The following CTNNA2 variants were observed in gnomAD, a reference collection of about 807,000 sequenced individuals.
CTNNA2 encodes catenin alpha-2.
CTNNA2 carries 42 observed loss-of-function variants against 101.0 expected under a neutral mutation model. That is an observed-to-expected ratio of 0.42 (90% CI 0.32 to 0.54). The LOEUF is 0.54. Among genes scored for constraint, CTNNA2 ranks in the 20% least tolerant of loss-of-function variants. The pLI is 0.14. For synonymous variants in CTNNA2, 450 were observed against 456.4 expected, an observed-to-expected ratio of 0.99 and a Z score of 0.18; for missense variants, 871 against 1,223.1, an observed-to-expected ratio of 0.71 and a Z score of 4.29.
chr2:80,516,094 C>T (rs1689087257), intron 9 of CTNNA2, among the ~76,000 whole-genome samples: 1 of 152,170 alleles, frequency 6.6e-6, no homozygotes, highest in Non-Finnish European at 1.5e-5. Flanking sequence ...CAGAACATAT[C>T]TCCCTGAGGC....
chr2:79,569,681 A>G (rs1675341552), intron 1 of CTNNA2, among the ~76,000 whole-genome samples: 1 of 152,192 alleles, frequency 6.6e-6, no homozygotes, highest in Non-Finnish European at 1.5e-5. Flanking sequence ...TTTGCACTGG[A>G]AACTCTATTT....
chr2:80,232,498 G>A (rs533989680), intron 7 of CTNNA2, among the ~76,000 whole-genome samples: 1 of 151,546 alleles, frequency 6.6e-6, no homozygotes, highest in South Asian at 2.1e-4. Context: ...GTGAGTGGCT[G>A]ACTTAGAGGT....
intron 12 of CTNNA2, among the ~76,000 whole-genome samples, chr2:80,569,783 C>T (rs1323713788): frequency 6.6e-6 from 1 of 150,924 alleles, no homozygotes; most frequent in Non-Finnish European, 1.5e-5. Context: ...GCTGGGACTA[C>T]AGGCACCCGC....
At chr2:80,128,837 A>G (rs887402453) in intron 7 of CTNNA2, among the ~76,000 whole-genome samples, 2 of 152,126 alleles carry the variant, frequency 1.3e-5, no homozygotes, top group African/African-American at 2.4e-5. Context: ...TCACCAGGCC[A>G]TTTTCAAGTG....
chr2:80,230,688 G>T, intron 7 of CTNNA2, among the ~76,000 whole-genome samples: 1 of 152,138 alleles, frequency 6.6e-6, no homozygotes, highest in East Asian at 1.9e-4. Context: ...GTGGCCACAA[G>T]GCTTGGAACC....
At chr2:80,239,534 A>AT (rs1709731749) in intron 7 of CTNNA2, among the ~76,000 whole-genome samples, 1 of 152,052 alleles carries the variant, frequency 6.6e-6, no homozygotes, top group Admixed American at 6.6e-5. Flanking sequence ...TCTATACACT[A>AT]TTTTTTTCTA....
intron 11 of CTNNA2, among the ~76,000 whole-genome samples, chr2:80,546,343 T>C (rs2149633397): frequency 6.6e-6 from 1 of 152,346 alleles, no homozygotes; most frequent in African/African-American, 2.4e-5. Flanking sequence ...AGGATGGCCT[T>C]TGATGTATCT....
intron 4 of CTNNA2, among the ~76,000 whole-genome samples, chr2:79,386,560 TAA>T (rs755757599): frequency 6.6e-6 from 1 of 152,212 alleles, no homozygotes; most frequent in Non-Finnish European, 1.5e-5. Flanking sequence ...TAATTTGAAA[TAA>T]AGAGTCCTTC....
chr2:79,334,917 T>A (rs1676960378), intron 3 of CTNNA2, among the ~76,000 whole-genome samples: 1 of 152,166 alleles, frequency 6.6e-6, no homozygotes, highest in Admixed American at 6.5e-5. Context: ...CTCTCTAGAC[T>A]TTGCCTGTTG....
intron 15 of CTNNA2, among the ~76,000 whole-genome samples, chr2:80,589,905 T>TGTGTGTGTGC (rs1491383706): frequency 1.6e-3 from 179 of 114,536 alleles, no homozygotes; most frequent in African/African-American, 5.1e-3. Flanking sequence ...TGTGTGTGTG[T>TGTGTGTGTGC]GCGCGCGCGC....
At chr2:80,395,456 T>G (rs1173734652) in intron 8 of CTNNA2, among the ~76,000 whole-genome samples, 3 of 152,208 alleles carry the variant, frequency 2.0e-5, no homozygotes, top group Non-Finnish European at 4.4e-5. Context: ...CCTGCCCATA[T>G]GTTGAGATAT....
intron 7 of CTNNA2, among the ~76,000 whole-genome samples, chr2:80,023,804 T>C (rs975592810): frequency 7.9e-5 from 12 of 152,156 alleles, no homozygotes; most frequent in African/African-American, 2.7e-4. Context: ...CTATTAAGGT[T>C]TGGCCGGACG....
chr2:80,327,258 T>C (rs1393208343), intron 7 of CTNNA2, among the ~76,000 whole-genome samples: 1 of 152,238 alleles, frequency 6.6e-6, no homozygotes, highest in Non-Finnish European at 1.5e-5. Flanking sequence ...TAAGGCTTCC[T>C]ACAGATTTGC....
At chr2:79,874,424 T>G in intron 6 of CTNNA2, 82 bp downstream of exon 6, 15 of 1,417,884 alleles carry the variant, frequency 1.1e-5, no homozygotes, top group Non-Finnish European at 1.4e-5. Flanking sequence ...GAAGGGCCAC[T>G]ACAATAATTT....
At chr2:80,233,923 A>G (rs376794) in intron 7 of CTNNA2, among the ~76,000 whole-genome samples, 100,170 of 152,084 alleles carry the variant, frequency 0.66, 33,885 homozygotes, top group African/African-American at 0.82. Context: ...AGTTCTTTTG[A>G]TCTTCAAAGT....
intron 2 of CTNNA2, among the ~76,000 whole-genome samples, chr2:79,696,025 G>T (rs1363932402): frequency 1.3e-5 from 2 of 151,982 alleles, no homozygotes; most frequent in African/African-American, 4.8e-5. Flanking sequence ...CTGTCCCTTG[G>T]TGGAAGCCCT....
intron 3 of CTNNA2, among the ~76,000 whole-genome samples, chr2:79,342,890 C>T (rs953939460): frequency 6.6e-6 from 1 of 152,172 alleles, no homozygotes; most frequent in East Asian, 1.9e-4. Flanking sequence ...TCCAATAATA[C>T]TCTTTAAGGG....
chr2:80,214,766 G>T lies in CTNNA2; in HGVS notation c.1057-178445G>T, dbSNP rs998223990. Among the ~76,000 whole-genome samples, 10 of 152,170 alleles carry T rather than the reference G, an allele frequency of 6.6e-5. No homozygotes were observed. The East Asian group carries it at 1.9e-3, about 29-fold the overall frequency. ...GTTGCCCTTCTTGAGGAGTATCTTT[G>T]TGGCGTTCTCTGTATTTCCTGAATT... On this transcript the variant is annotated intron_variant, in intron 7 of 18. Transcript: ENST00000402739.
chr2:79,859,435 C>T (rs1213109201), intron 4 of CTNNA2, among the ~76,000 whole-genome samples: 1 of 151,940 alleles, frequency 6.6e-6, no homozygotes, highest in East Asian at 1.9e-4. Flanking sequence ...GAAGGTGGCC[C>T]CAATAAAGTA....
Sources: allele counts gnomAD v4.1 joint callset (sites outside exome capture counted in the v4.1 genomes callset), GRCh38; gene constraint gnomAD v4.1.1; transcripts MANE v1.5; gene names NCBI Gene and HGNC (gene_info 2026-07-23, HGNC 2026-07-21).